Variants in ZNF724 observed in about 807,000 individuals in gnomAD.
ZNF724 encodes the protein zinc finger protein 724 pseudogene.
A neutral mutation model predicts 29.3 loss-of-function variants in ZNF724; 14 were observed. The observed-to-expected ratio is 0.48, with a 90% CI of 0.32 to 0.75. The LOEUF is 0.75. Ranked by LOEUF, ZNF724 falls within the 30% of genes least tolerant of loss-of-function variation. The pLI is 0.04. For synonymous variants in ZNF724, 180 were observed against 193.6 expected, an observed-to-expected ratio of 0.93 and a Z score of 0.58; for missense variants, 557 against 571.2, an observed-to-expected ratio of 0.98 and a Z score of 0.25.
At position 23,223,385 on chromosome 19, in the gene ZNF724, C is replaced by G; in HGVS notation, c.860G>C (p.Cys287Ser). ...TGATGATTGGTTAAAAGCTTTGCCACATTCTTTACATTTGTAGGCATTCTC... is the reference window on the plus strand; with the variant it reads ...TGATGATTGGTTAAAAGCTTTGCCAGATTCTTTACATTTGTAGGCATTCTC... Reference protein sequence around the residue: ...TGENAYKCKECGKAFNQSSTL... With the variant: ...TGENAYKCKESGKAFNQSSTL... Residue 287 changes from cysteine (C) to serine (S), a missense_variant, in exon 4 of 4, where the codon TGT becomes TCT. Physicochemically the swap from Cys to Ser is moderately radical, Grantham distance 112. Transcript: ENST00000418100. 1 of 771,342 alleles carries G rather than the reference C, an allele frequency of 1.3e-6. No individual in the cohort carries two copies. The highest frequency in any genetic ancestry group is 1.7e-5 in the African/African-American group (1 of 58,970). The allele number at this position is 771,342 out of a possible 1,614,324, so 47.8% of individuals were successfully genotyped here.
intron 1 of ZNF724, among the ~76,000 whole-genome samples, chr19:23,239,053 C>A (rs1288047112): frequency 1.3e-5 from 2 of 152,128 alleles, no homozygotes; most frequent in African/African-American, 4.8e-5. Context: ...CTAAAAAAAT[C>A]CATGAGTGCA....
At chr19:23,233,804 A>G (rs1971980347) in intron 1 of ZNF724, among the ~76,000 whole-genome samples, 2 of 151,686 alleles carry the variant, frequency 1.3e-5, no homozygotes, top group South Asian at 4.2e-4. Context: ...GCTGAAAAAA[A>G]AAAAAATGCC....
intron 1 of ZNF724, among the ~76,000 whole-genome samples, chr19:23,233,797 G>GA (rs34840584): frequency 0.28 from 39,950 of 143,996 alleles, 5,864 homozygotes; most frequent in African/African-American, 0.4. Flanking sequence ...ATGTTTAGCT[G>GA]AAAAAAAAAA....
chr19:23,225,554 C>T (rs114706804), intron 3 of ZNF724, among the ~76,000 whole-genome samples: 2,443 of 152,058 alleles, frequency 0.016, 59 homozygotes, highest in African/African-American at 0.055. Flanking sequence ...TCCAATGAGC[C>T]GAGATAGCAC....
chr19:23,228,015 A>C (rs1971869682), intron 3 of ZNF724, among the ~76,000 whole-genome samples: 1 of 152,190 alleles, frequency 6.6e-6, no homozygotes, highest in Admixed American at 6.5e-5. Context: ...AAATGCCTTT[A>C]TGAGAGAGCC....
At chr19:23,250,118 G>T in intron 1 of ZNF724, 122 bp downstream of exon 1, 1 of 543,066 alleles carries the variant, frequency 1.8e-6, no homozygotes, top group Non-Finnish European at 3.7e-6. Flanking sequence ...GCTGGGCAAG[G>T]AGAACTCAGG....
rs774412752 is a variant in ZNF724, at chr19:23,250,259, G to T, written c.-17C>A. 1.7e-5 allele frequency: 12 copies of T among 686,238 alleles called. No homozygotes were observed. Among genetic ancestry groups the T allele is most frequent in the Non-Finnish European group, 2.3e-5 (9 of 395,116 alleles). 42.5% of individuals were successfully genotyped at this position (686,238 alleles called of 1,614,324 possible). ...TCTCACCATTTCTAGGCTTCCAGGG[G>T]AGGCCCTGGCGTCTTAGCTGTGGAT... On this transcript the variant is annotated 5_prime_UTR_variant, in exon 1 of 4. Coordinates refer to ENST00000418100, the MANE Select transcript of ZNF724 (RefSeq NM_001355404.2).
Position 23,250,383 on chromosome 19 carries a change from A to C in ZNF724, c.-141T>G. 1 of 458,834 alleles carries C rather than the reference A, an allele frequency of 2.2e-6. No homozygotes were observed. Among genetic ancestry groups the C allele is most frequent in the Non-Finnish European group, 4.4e-6 (1 of 228,218 alleles). The allele number at this position is 458,834 out of a possible 1,614,324, so 28.4% of individuals were successfully genotyped here. On this transcript the variant is annotated 5_prime_UTR_variant, in exon 1 of 4. Coordinates refer to ENST00000418100, the MANE Select transcript of ZNF724 (RefSeq NM_001355404.2). ...GAGACCAAGCGCTCCAGCTGCAGCGAGAGACAAAGGCCCCGCCAAATCCCG... is the reference window on the plus strand; with the variant it reads ...GAGACCAAGCGCTCCAGCTGCAGCGCGAGACAAAGGCCCCGCCAAATCCCG...
intron 3 of ZNF724, among the ~76,000 whole-genome samples, chr19:23,224,344 C>A (rs765951578): frequency 2.6e-5 from 4 of 152,002 alleles, no homozygotes; most frequent in Non-Finnish European, 5.9e-5. Context: ...ACCTGAGCGG[C>A]AGAAGTTGCA....
At chr19:23,226,347 A>G (rs1176860258) in intron 3 of ZNF724, among the ~76,000 whole-genome samples, 1 of 151,786 alleles carries the variant, frequency 6.6e-6, no homozygotes, top group Non-Finnish European at 1.5e-5. Context: ...CACCACGCCC[A>G]GCCCGAGAGA....
intron 1 of ZNF724, among the ~76,000 whole-genome samples, chr19:23,249,378 T>C (rs905774784): frequency 6.6e-6 from 1 of 150,712 alleles, no homozygotes; most frequent in Non-Finnish European, 1.5e-5. Flanking sequence ...GTGGCTGGGA[T>C]TACAAGCATG....
At chr19:23,226,268 G>A (rs1971824838) in intron 3 of ZNF724, among the ~76,000 whole-genome samples, 1 of 152,150 alleles carries the variant, frequency 6.6e-6, no homozygotes, top group East Asian at 1.9e-4. Flanking sequence ...AGCCACAATG[G>A]TCTCGACCTC....
chr19:23,232,819 T>TC (rs34072924), intron 1 of ZNF724, among the ~76,000 whole-genome samples: 71,324 of 151,310 alleles, frequency 0.47, 18,808 homozygotes, highest in East Asian at 0.68. Flanking sequence ...AACCTGTTTT[T>TC]CCCCCCAGTT....
chr19:23,247,543 C>T (rs1174949291), intron 1 of ZNF724, among the ~76,000 whole-genome samples: 2 of 152,324 alleles, frequency 1.3e-5, no homozygotes, highest in South Asian at 2.1e-4. Context: ...CCACCCCATC[C>T]TGCTCACTTA....
At chr19:23,241,866 ATTGGAAGTCCTGGC>A (rs1177902355) in intron 1 of ZNF724, among the ~76,000 whole-genome samples, 2 of 152,224 alleles carry the variant, frequency 1.3e-5, no homozygotes, top group Non-Finnish European at 2.9e-5. Context: ...TCAACAGAGA[ATTGGAAGTCCTGGC>A]TAGAGAAATC....
chr19:23,243,715 GAGTTCGAGACC>G (rs1972180938), intron 1 of ZNF724, among the ~76,000 whole-genome samples: 4 of 151,526 alleles, frequency 2.6e-5, no homozygotes, highest in Non-Finnish European at 5.9e-5. Flanking sequence ...CTGAGGTCAG[GAGTTCGAGACC>G]AGCCTGGTCC....
rs776349446 is a variant in ZNF724, at chr19:23,250,394, C to T, written c.-152G>A. 6.6e-5 allele frequency: 29 copies of T among 441,590 alleles called. No individual in the cohort carries two copies. Among genetic ancestry groups the T allele is most frequent in the Non-Finnish European group, 1.2e-4 (26 of 219,714 alleles). 27.4% of individuals were successfully genotyped at this position (441,590 alleles called of 1,614,324 possible). A position where few individuals can be genotyped will look rare whatever the true frequency, so the allele number is the denominator to read the frequency against. ...CTCCAGCTGCAGCGAGAGACAAAGG[C>T]CCCGCCAAATCCCGGAAGCCGCCCT... On this transcript the variant is annotated 5_prime_UTR_variant, in exon 1 of 4. Transcript: ENST00000418100.
At chr19:23,237,014 C>A (rs1414637362) in intron 1 of ZNF724, among the ~76,000 whole-genome samples, 1 of 151,798 alleles carries the variant, frequency 6.6e-6, no homozygotes, top group African/African-American at 2.4e-5. Context: ...CACCACCCCC[C>A]GCTAATTTTT....
Position 23,222,765 on chromosome 19 carries a change from T to C in ZNF724, c.1480A>G (p.Thr494Ala). ...GKAFNLSSHL[T>A]THKKIHTGEK... ...CCAGTATGAATTTTCTTATGTGTTG[T>C]AAGGTGTGAGGATAGGTTAAAAGCT... is the stretch of plus-strand genomic sequence containing the variant. Residue 494 changes from threonine (T) to alanine (A), a missense_variant, in exon 4 of 4, where the codon ACA (threonine) becomes GCA (alanine). Thr to Ala is a moderately conservative substitution (Grantham distance 58). Transcript: ENST00000418100. 1 of 1,408,786 alleles carries C rather than the reference T, an allele frequency of 7.1e-7. No individual in the cohort carries two copies. Among genetic ancestry groups the C allele is most frequent in the Non-Finnish European group, 1.0e-6 (1 of 1,001,806 alleles). 87.3% of individuals were successfully genotyped at this position (1,408,786 alleles called of 1,614,324 possible). A position where few individuals can be genotyped will look rare whatever the true frequency, so the allele number is the denominator to read the frequency against.
Sources: allele counts gnomAD v4.1 joint callset (sites outside exome capture counted in the v4.1 genomes callset), GRCh38; gene constraint gnomAD v4.1.1; transcripts MANE v1.5; gene names NCBI Gene and HGNC (gene_info 2026-07-23, HGNC 2026-07-21).